SERINC5: variants seen among roughly 807,000 people sequenced by gnomAD.
The protein encoded by SERINC5 is chromosome 5 open reading frame 12.
SERINC5 carries 41 observed loss-of-function variants against 63.1 expected under a neutral mutation model. The ratio of observed to expected loss-of-function variants is 0.65; its 90% CI spans 0.51 to 0.84. The LOEUF (loss-of-function observed/expected upper bound fraction) is 0.84, where lower values mean the gene tolerates loss of function less well. Among genes scored for constraint, SERINC5 ranks in the 40% least tolerant of loss-of-function variants. SERINC5 has a pLI of 0.00. For synonymous variants in SERINC5, 222 were observed against 215.2 expected (o/e 1.03, Z -0.28); for missense variants, 523 against 573.0 (o/e 0.91, Z 0.89).
intron 1 of SERINC5, among the ~76,000 whole-genome samples, chr5:80,225,297 T>A (rs988290132): frequency 6.6e-6 from 1 of 152,210 alleles, no homozygotes; most frequent in Non-Finnish European, 1.5e-5. Flanking sequence ...TCTATTATAA[T>A]GAGAAAGTGG....
intron 8 of SERINC5, among the ~76,000 whole-genome samples, chr5:80,155,748 T>A (rs887733465): frequency 9.2e-5 from 14 of 151,908 alleles, no homozygotes; most frequent in South Asian, 2.1e-4. Context: ...CATTTTTTTT[T>A]ATCTAAAAAA....
At chr5:80,144,182 T>C (rs1300319586) in intron 11 of SERINC5, among the ~76,000 whole-genome samples, 1 of 152,236 alleles carries the variant, frequency 6.6e-6, no homozygotes, top group Non-Finnish European at 1.5e-5. Flanking sequence ...CATGTGTCAG[T>C]CCTTCATTCC....
chr5:80,230,566 A>G (rs993088845), intron 1 of SERINC5, among the ~76,000 whole-genome samples: 34 of 152,112 alleles, frequency 2.2e-4, no homozygotes, highest in African/African-American at 7.7e-4. Flanking sequence ...TAATGCAACA[A>G]CAGCCGCCAC....
At chr5:80,119,375 T>C (rs1249329279) in intron 11 of SERINC5, among the ~76,000 whole-genome samples, 4 of 152,108 alleles carry the variant, frequency 2.6e-5, no homozygotes, top group African/African-American at 9.7e-5. Context: ...ACAGCCAATA[T>C]CACCAATTAT....
At chr5:80,244,957 A>G (rs565503416) in intron 1 of SERINC5, among the ~76,000 whole-genome samples, 201 of 152,260 alleles carry the variant, frequency 1.3e-3, no homozygotes, top group African/African-American at 4.7e-3. Context: ...CAGACAAGCC[A>G]GCACTCTCAA....
At chr5:80,253,405 C>T (rs1459174534) in intron 1 of SERINC5, among the ~76,000 whole-genome samples, 1 of 152,172 alleles carries the variant, frequency 6.6e-6, no homozygotes, top group African/African-American at 2.4e-5. Context: ...ATGACCAACT[C>T]GAACTGCTTT....
intron 1 of SERINC5, among the ~76,000 whole-genome samples, chr5:80,249,769 T>C (rs1001494152): frequency 6.6e-6 from 1 of 151,972 alleles, no homozygotes; most frequent in African/African-American, 2.4e-5. Context: ...GCCATTGCAC[T>C]CCAGCCTCGG....
chr5:80,178,169 G>T, intron 2 of SERINC5, 105 bp from the exon 3 acceptor site: 1 of 629,390 alleles, frequency 1.6e-6, no homozygotes, highest in Non-Finnish European at 2.7e-6. Flanking sequence ...GAAATGGATC[G>T]TGTGCATAAA....
At chr5:80,223,997 G>A (rs1198913737) in intron 1 of SERINC5, among the ~76,000 whole-genome samples, 1 of 151,754 alleles carries the variant, frequency 6.6e-6, no homozygotes, top group Non-Finnish European at 1.5e-5. Flanking sequence ...ACTGGGCGTG[G>A]TGGCGGGCGC....
chr5:80,111,349 T>C (rs1378533465), downstream of SERINC5, among the ~76,000 whole-genome samples: 1 of 152,124 alleles, frequency 6.6e-6, no homozygotes, highest in Non-Finnish European at 1.5e-5. Context: ...AGGGGGAGCC[T>C]AGCTGTAGCA....
chr5:80,113,608 A>G (rs552798988), exon 12 of SERINC5: 117 of 289,262 alleles, frequency 4.0e-4, no homozygotes, highest in Non-Finnish European at 5.8e-4. Flanking sequence ...GAATCATGGC[A>G]GGAGGTGAAA....
chr5:80,255,937 C>T lies in SERINC5; in HGVS notation c.-15G>A. The T allele has an allele frequency of 6.5e-7, 1 of 1,545,414 alleles. No individual in the cohort carries two copies. The highest frequency in any genetic ancestry group is 8.7e-7 in the Non-Finnish European group (1 of 1,154,754). On this transcript the variant is annotated 5_prime_UTR_variant, in exon 1 of 12. Coordinates refer to ENST00000507668, the MANE Select transcript of SERINC5 (RefSeq NM_001174072.3). ...TGAGCTGACATCGCGGCGGCCAATGCCGAAGGCGCGCTCGCTGGCTCCCCG... is the reference window on the plus strand; with the variant it reads ...TGAGCTGACATCGCGGCGGCCAATGTCGAAGGCGCGCTCGCTGGCTCCCCG...
intron 1 of SERINC5, among the ~76,000 whole-genome samples, chr5:80,244,218 A>G (rs1384428555): frequency 6.9e-6 from 1 of 144,538 alleles, no homozygotes; most frequent in African/African-American, 2.6e-5. Flanking sequence ...ACCCCCAAGC[A>G]CTTTTTTTTT....
intron 7 of SERINC5, among the ~76,000 whole-genome samples, chr5:80,160,974 G>A (rs866384183): frequency 7.5e-6 from 1 of 133,586 alleles, no homozygotes; most frequent in African/African-American, 3.2e-5. Context: ...GTATATATAT[G>A]TATATATGTG....
intron 2 of SERINC5, among the ~76,000 whole-genome samples, chr5:80,191,291 A>C (rs1008149138): frequency 4.6e-5 from 7 of 151,922 alleles, no homozygotes; most frequent in Admixed American, 4.6e-4. Flanking sequence ...CACAAATAAA[A>C]TCCAATTCAA....
chr5:80,191,497 A>AAAAAAAAAAAAAAAAAAG (rs1749184050), intron 2 of SERINC5, among the ~76,000 whole-genome samples: 1 of 34,482 alleles, frequency 2.9e-5, no homozygotes, highest in African/African-American at 8.7e-5. Flanking sequence ...AAAAAAAAAG[A>AAAAAAAAAAAAAAAAAAG]AAAAAAAAAA....
At chr5:80,168,362 A>G (rs1446847234) in intron 6 of SERINC5, among the ~76,000 whole-genome samples, 2 of 151,842 alleles carry the variant, frequency 1.3e-5, no homozygotes, top group African/African-American at 2.4e-5. Context: ...ATGGCTGGCT[A>G]ATTTTCTGGG....
chr5:80,129,354 A>G (rs1744855655), intron 11 of SERINC5, among the ~76,000 whole-genome samples: 2 of 152,224 alleles, frequency 1.3e-5, no homozygotes. Context: ...GCTGGAGTGC[A>G]GTGATGCAAT....
chr5:80,234,504 C>T (rs1156554846), intron 1 of SERINC5, among the ~76,000 whole-genome samples: 1 of 152,160 alleles, frequency 6.6e-6, no homozygotes, highest in Non-Finnish European at 1.5e-5. Context: ...CTAAACACAT[C>T]ACACACTACC....
Sources: gnomAD v4.1 joint callset for allele counts (sites outside exome capture counted in the v4.1 genomes callset) on GRCh38, gnomAD v4.1.1 for gene constraint, MANE v1.5 for transcripts, NCBI Gene and HGNC (gene_info 2026-07-23, HGNC 2026-07-21) for gene names.